FOXO1: variants seen among roughly 807,000 people sequenced by gnomAD.
FOXO1 encodes forkhead box protein O1.
FOXO1 carries 6 observed loss-of-function variants against 44.1 expected under a neutral mutation model. The ratio of observed to expected loss-of-function variants is 0.14; its 90% CI spans 0.07 to 0.27. The LOEUF is 0.27. Ranked by LOEUF, FOXO1 falls within the 10% of genes least tolerant of loss-of-function variation. The pLI is 1.00. For missense variants in FOXO1, 737 were observed against 888.8 expected (o/e 0.83, Z 2.17); for synonymous variants, 380 against 362.7 (o/e 1.05, Z -0.54).
intron 1 of FOXO1, among the ~76,000 whole-genome samples, chr13:40,617,728 T>C (rs1031771139): frequency 5.9e-5 from 9 of 152,170 alleles, no homozygotes; most frequent in Non-Finnish European, 1.0e-4. Flanking sequence ...GGAAAAAAGA[T>C]GTAAGTAACA....
At chr13:40,661,505 C>T (rs1319141325) in intron 1 of FOXO1, among the ~76,000 whole-genome samples, 2 of 152,152 alleles carry the variant, frequency 1.3e-5, no homozygotes, top group Non-Finnish European at 2.9e-5. Flanking sequence ...CCATGTTGCC[C>T]AGGGTGGTCT....
At chr13:40,559,441 A>G in intron 2 of FOXO1, 68 bp downstream of exon 2, 1 of 1,400,066 alleles carries the variant, frequency 7.1e-7, no homozygotes, top group Non-Finnish European at 9.7e-7. Flanking sequence ...TAACCATGGC[A>G]AGTTACTGTG....
chr13:40,606,636 A>G (rs925056338), intron 1 of FOXO1, among the ~76,000 whole-genome samples: 1 of 152,104 alleles, frequency 6.6e-6, no homozygotes, highest in African/African-American at 2.4e-5. Flanking sequence ...TTTAAGTGAC[A>G]GCACAGCATG....
intron 1 of FOXO1, among the ~76,000 whole-genome samples, chr13:40,650,758 T>C (rs1056390168): frequency 6.6e-6 from 1 of 152,182 alleles, no homozygotes; most frequent in Non-Finnish European, 1.5e-5. Context: ...TTGTTGTTAA[T>C]TGTTGTTGTT....
At chr13:40,664,414 C>T in intron 1 of FOXO1, among the ~76,000 whole-genome samples, 1 of 152,124 alleles carries the variant, frequency 6.6e-6, no homozygotes, top group East Asian at 1.9e-4. Flanking sequence ...AGCCGAGGGC[C>T]CCCGGGCCTT....
At chr13:40,618,742 A>C (rs1427554910) in intron 1 of FOXO1, 2 of 441,952 alleles carry the variant, frequency 4.5e-6, no homozygotes, top group Non-Finnish European at 8.8e-6. Flanking sequence ...CTCAGGATGA[A>C]TCAGTCTAGA....
At chr13:40,651,863 A>T (rs1369284492) in intron 1 of FOXO1, among the ~76,000 whole-genome samples, 1 of 152,176 alleles carries the variant, frequency 6.6e-6, no homozygotes, top group Non-Finnish European at 1.5e-5. Context: ...AATTCAACGT[A>T]TGTAAATGTC....
intron 1 of FOXO1, among the ~76,000 whole-genome samples, chr13:40,660,696 A>G (rs1462495784): frequency 1.3e-5 from 2 of 152,154 alleles, no homozygotes; most frequent in Non-Finnish European, 2.9e-5. Flanking sequence ...CTTTTCAGCA[A>G]TTTTGGGATC....
chr13:40,608,299 A>G (rs1385480181), intron 1 of FOXO1, among the ~76,000 whole-genome samples: 1 of 152,158 alleles, frequency 6.6e-6, no homozygotes, highest in Non-Finnish European at 1.5e-5. Context: ...AGGGAATCTG[A>G]TGCTGGCAGA....
At chr13:40,658,214 C>T (rs1184053832) in intron 1 of FOXO1, among the ~76,000 whole-genome samples, 5 of 152,182 alleles carry the variant, frequency 3.3e-5, no homozygotes, top group Admixed American at 2.0e-4. Context: ...ATGATCTAAG[C>T]TCTGGGGACA....
intron 1 of FOXO1, among the ~76,000 whole-genome samples, chr13:40,649,472 T>C (rs1317409636): frequency 1.3e-5 from 2 of 152,122 alleles, no homozygotes; most frequent in African/African-American, 2.4e-5. Context: ...CTTCTTGCCA[T>C]AAACACAGGC....
At position 40,659,160 on chromosome 13, in the gene FOXO1, C is replaced by T. The variant is rs183257171; in HGVS notation, c.630+6423G>A. On this transcript the variant is annotated intron_variant, in intron 1 of 2. Coordinates refer to ENST00000379561, the MANE Select transcript of FOXO1 (RefSeq NM_002015.4). ...TGAAACCCTGTCTCTACTAAAAATA[C>T]AAAAATTATCCAGGTGTGGTGGCAT... is the stretch of plus-strand genomic sequence containing the variant. Among the ~76,000 whole-genome samples the T allele has an allele frequency of 1.1e-3, 163 of 151,496 alleles. 4 individuals carry two copies. The East Asian group carries it at 0.02, about 18-fold the overall frequency.
chr13:40,587,310 G>C (rs1190807088), intron 1 of FOXO1, among the ~76,000 whole-genome samples: 1 of 151,078 alleles, frequency 6.6e-6, no homozygotes, highest in Non-Finnish European at 1.5e-5. Flanking sequence ...GGCGGAGCAG[G>C]AGACCACAAT....
intron 1 of FOXO1, among the ~76,000 whole-genome samples, chr13:40,586,986 A>C (rs138547441): frequency 7.8e-4 from 119 of 152,330 alleles, no homozygotes; most frequent in Non-Finnish European, 1.5e-3. Flanking sequence ...TATTTTACCC[A>C]GCATATTACA....
At chr13:40,658,149 G>A (rs1340301895) in intron 1 of FOXO1, among the ~76,000 whole-genome samples, 1 of 152,202 alleles carries the variant, frequency 6.6e-6, no homozygotes, top group Admixed American at 6.5e-5. Flanking sequence ...GGAAGTTGGT[G>A]AACTGACTTG....
chr13:40,572,348 CAT>C, intron 1 of FOXO1, among the ~76,000 whole-genome samples: 1 of 151,780 alleles, frequency 6.6e-6, no homozygotes, highest in East Asian at 1.9e-4. Flanking sequence ...TGTTTTTTCG[CAT>C]AGTCTGTTTA....
chr13:40,662,733 A>AG (rs1449104484), intron 1 of FOXO1, among the ~76,000 whole-genome samples: 2 of 152,250 alleles, frequency 1.3e-5, no homozygotes, highest in African/African-American at 4.8e-5. Context: ...CTATTTAATT[A>AG]AAGATTCAGC....
chr13:40,559,777 T>G lies in FOXO1; in HGVS notation c.1714A>C (p.Met572Leu), dbSNP rs773087473. The G allele has an allele frequency of 1.9e-6, 3 of 1,613,584 alleles. No homozygotes were observed. The highest frequency in any genetic ancestry group is 2.5e-6 in the Non-Finnish European group (3 of 1,179,696). Residue 572 changes from methionine to leucine, a missense_variant, in exon 2 of 3, where the codon ATG becomes CTG. Transcript: ENST00000379561. ...GAGGAGTAGCCCCCCAGGGCACTCA[T>G]CTGCATGGGGTGGGGCAGAGGCACT... is the stretch of plus-strand genomic sequence containing the variant. ...VQVPLPHPMQ[M>L]SALGGYSSVS...
rs34451422 is a variant in FOXO1, at chr13:40,635,775, C to T, written c.630+29808G>A. Among the ~76,000 whole-genome samples the T allele has an allele frequency of 8.1e-3, 1,239 of 152,322 alleles. 10 individuals are homozygous for T. The highest frequency in any genetic ancestry group is 0.013 in the Non-Finnish European group (877 of 68,020). On this transcript the variant is annotated intron_variant, in intron 1 of 2. Transcript: ENST00000379561. ...CACCACTGAGGAGAGTGAGTCCTCT[C>T]CCCTCCACTGAGGGCCTGCCCTGCC...
Sources: allele counts gnomAD v4.1 joint callset (sites outside exome capture counted in the v4.1 genomes callset), GRCh38; gene constraint gnomAD v4.1.1; transcripts MANE v1.5; gene names NCBI Gene and HGNC (gene_info 2026-07-23, HGNC 2026-07-21).